Variants in PTK6 observed in about 807,000 individuals in gnomAD.
The protein encoded by PTK6 is protein tyrosine kinase 6, also known as protein-tyrosine kinase 6.
PTK6 carries 47 observed loss-of-function variants against 47.5 expected under a neutral mutation model. That is an observed-to-expected ratio of 0.99 (90% CI 0.78 to 1.26). The LOEUF (loss-of-function observed/expected upper bound fraction) is 1.26. PTK6 is among the 50% of genes most tolerant of loss of function. The pLI is 0.00. For synonymous variants in PTK6, 287 were observed against 276.5 expected (o/e 1.04, Z -0.38); for missense variants, 618 against 625.3 (o/e 0.99, Z 0.12).
intron 1 of PTK6, among the ~76,000 whole-genome samples, chr20:63,536,161 C>T (rs1884823): frequency 0.024 from 109 of 4,564 alleles, 33 homozygotes; most frequent in African/African-American, 0.22. Context: ...CGCTCCCCCC[C>T]CCACCTGGCC....
chr20:63,536,964 C>G, intron 1 of PTK6, 121 bp downstream of exon 1: 1 of 1,061,504 alleles, frequency 9.4e-7, no homozygotes, highest in Non-Finnish European at 1.3e-6. Context: ...CTTTGGGGTG[C>G]AGGAAGATGG....
intron 1 of PTK6, among the ~76,000 whole-genome samples, chr20:63,535,612 C>T (rs1387492891): frequency 3.3e-5 from 5 of 151,928 alleles, no homozygotes; most frequent in African/African-American, 9.7e-5. Flanking sequence ...AGGTGACCTG[C>T]GCCCTTTGTG....
At chr20:63,536,810 C>A (rs2082672629) in intron 1 of PTK6, among the ~76,000 whole-genome samples, 1 of 152,232 alleles carries the variant, frequency 6.6e-6, no homozygotes, top group African/African-American at 2.4e-5. Flanking sequence ...GCGTCCACCC[C>A]CGAGCTGTGA....
intron 5 of PTK6, among the ~76,000 whole-genome samples, chr20:63,532,221 T>C (rs946040538): frequency 6.6e-6 from 1 of 150,834 alleles, no homozygotes; most frequent in Non-Finnish European, 1.5e-5. Context: ...TGTGTGTCCG[T>C]GTGATCTGTT....
In PTK6 at chr20:63,530,669, G is replaced by T; in HGVS notation, c.1014+77C>A. On this transcript the variant is annotated intron_variant, in intron 6 of 7. Coordinates refer to ENST00000542869, the MANE Select transcript of PTK6 (RefSeq NM_005975.4). The surrounding 1 kb of genome is among the most constrained non-coding windows in gnomAD (Gnocchi z 4.1). The stretch of plus-strand genomic sequence containing the variant: ...CATCCTGCTCCCAGCCGAGTCCCCA[G>T]CTCCACACACAGGAAGCCCCCAGCC... 3 of 1,521,248 alleles carry T rather than the reference G, an allele frequency of 2.0e-6. No homozygotes were observed. The highest frequency in any genetic ancestry group is 2.7e-6 in the Non-Finnish European group (3 of 1,117,906). The allele number at this position is 1,521,248 out of a possible 1,614,324, so 94.2% of individuals were successfully genotyped here.
chr20:63,533,847 G>C lies in PTK6; in HGVS notation c.517-143C>G. 8.1e-7 allele frequency: 1 copy of C among 1,230,558 alleles called. No homozygotes were observed. The highest frequency in any genetic ancestry group is 2.5e-5 in the East Asian group (1 of 39,458). The allele number at this position is 1,230,558 out of a possible 1,614,324, so 76.2% of individuals were successfully genotyped here. On this transcript the variant is annotated intron_variant, in intron 3 of 7. Transcript: ENST00000542869. The surrounding 1 kb of genome is among the most constrained non-coding windows in gnomAD (Gnocchi z 4.0). Reference sequence around the variant, plus strand: ...GGGGGTTTCTGAGTGTCTGACACAAGGGTGGACTCTCCTGGGGGCTGCCCC... The same window carrying C: ...GGGGGTTTCTGAGTGTCTGACACAACGGTGGACTCTCCTGGGGGCTGCCCC...
In PTK6 at chr20:63,529,203, C is replaced by T. The variant is rs1569009079; in HGVS notation, c.*333G>A. Reference sequence around the variant, plus strand: ...GCAGGAACAAGGCGTGTTTGCCTCCCACCCTCAGCCGGGCACTGCAGACAG... The same window carrying T: ...GCAGGAACAAGGCGTGTTTGCCTCCTACCCTCAGCCGGGCACTGCAGACAG... On this transcript the variant is annotated 3_prime_UTR_variant, in exon 8 of 8. Coordinates refer to ENST00000542869, the MANE Select transcript of PTK6 (RefSeq NM_005975.4). The surrounding 1 kb of genome is among the most constrained non-coding windows in gnomAD (Gnocchi z 5.6). 1 of 218,624 alleles carries T rather than the reference C, an allele frequency of 4.6e-6. No homozygotes were observed. The highest frequency in any genetic ancestry group is 9.0e-6 in the Non-Finnish European group (1 of 111,156). 13.5% of individuals were successfully genotyped at this position (218,624 alleles called of 1,614,324 possible). A position where few individuals can be genotyped will look rare whatever the true frequency, so the allele number is the denominator to read the frequency against.
Position 63,529,979 on chromosome 20 carries a change from G to A in PTK6, c.1168+99C>T. ...CAGGCGATGGCCCGCGGAGGGCCCT[G>A]AAGCCCGTGGGGGAGGCACCCCCCA... is the stretch of plus-strand genomic sequence containing the variant. On this transcript the variant is annotated intron_variant, in intron 7 of 7. Transcript: ENST00000542869. The surrounding 1 kb of genome is among the most constrained non-coding windows in gnomAD (Gnocchi z 5.6). The A allele has an allele frequency of 6.9e-7, 1 of 1,455,638 alleles. No homozygotes were observed. The highest frequency in any genetic ancestry group is 9.4e-7 in the Non-Finnish European group (1 of 1,066,516). The allele number at this position is 1,455,638 out of a possible 1,614,324, so 90.2% of individuals were successfully genotyped here.
In PTK6 at chr20:63,529,416, C is replaced by T. The variant is rs1244513482; in HGVS notation, c.*120G>A. 2.6e-6 allele frequency: 3 copies of T among 1,135,352 alleles called. No individual in the cohort carries two copies. The highest frequency in any genetic ancestry group is 2.8e-5 in the East Asian group (1 of 35,824). The allele number at this position is 1,135,352 out of a possible 1,614,324, so 70.3% of individuals were successfully genotyped here. A position where few individuals can be genotyped will look rare whatever the true frequency, so the allele number is the denominator to read the frequency against. ...ACGCAGACACTCCACATTTGTGAACCTTTCCTGCACCCATCACCTCAGTAA... is the reference window on the plus strand; with the variant it reads ...ACGCAGACACTCCACATTTGTGAACTTTTCCTGCACCCATCACCTCAGTAA... On this transcript the variant is annotated 3_prime_UTR_variant, in exon 8 of 8. Transcript: ENST00000542869. The surrounding 1 kb of genome is among the most constrained non-coding windows in gnomAD (Gnocchi z 5.6).
rs758618247 is a variant in PTK6 at position 63,533,404 on chromosome 20, CAT to C, written c.670+145_670+146del. The C allele has an allele frequency of 1.1e-6, 1 of 922,358 alleles. No homozygotes were observed. The highest frequency in any genetic ancestry group is 1.5e-6 in the Non-Finnish European group (1 of 663,372). The allele number at this position is 922,358 out of a possible 1,614,324, so 57.1% of individuals were successfully genotyped here. A position where few individuals can be genotyped will look rare whatever the true frequency, so the allele number is the denominator to read the frequency against. On this transcript the variant is annotated intron_variant, in intron 4 of 7. Transcript: ENST00000542869. The surrounding 1 kb of genome is among the most constrained non-coding windows in gnomAD (Gnocchi z 4.0). ...TATAATAAATGTATTTAGGTAAAAACATAGGTGCAATTGAAAGGGAACCACTC... is the reference window on the plus strand; with the variant it reads ...TATAATAAATGTATTTAGGTAAAAACAGGTGCAATTGAAAGGGAACCACTC...
chr20:63,533,790 C>T lies in PTK6; in HGVS notation c.517-86G>A. 2.6e-6 allele frequency: 4 copies of T among 1,514,668 alleles called. No individual in the cohort carries two copies. The highest frequency in any genetic ancestry group is 3.5e-6 in the Non-Finnish European group (4 of 1,129,998). The allele number at this position is 1,514,668 out of a possible 1,614,324, so 93.8% of individuals were successfully genotyped here. Reference sequence around the variant, plus strand: ...GCCAGCACAGGGAGCCTGGATTTAGCCTCAGATTTAGGGCCACGATCAGCC... The same window carrying T: ...GCCAGCACAGGGAGCCTGGATTTAGTCTCAGATTTAGGGCCACGATCAGCC... On this transcript the variant is annotated intron_variant, in intron 3 of 7. Coordinates refer to ENST00000542869, the MANE Select transcript of PTK6 (RefSeq NM_005975.4). This position sits in a 1 kb window ranked among gnomAD's most constrained non-coding sequence, Gnocchi z 4.0.
rs770257739 is a variant in PTK6 at position 63,537,075 on chromosome 20, G to C, written c.230+10C>G. On this transcript the variant is annotated intron_variant, in intron 1 of 7. Coordinates refer to ENST00000542869, the MANE Select transcript of PTK6 (RefSeq NM_005975.4). ...CTGTGCCAAAGCTCCCAGCAGCCTA[G>C]GACACGCACGGTTCCGACTCCACCG... 1.2e-6 allele frequency: 2 copies of C among 1,601,494 alleles called. No individual in the cohort carries two copies. Among genetic ancestry groups the C allele is most frequent in the South Asian group, 1.1e-5 (1 of 89,072 alleles).
In PTK6 at chr20:63,530,312, A is replaced by T. The variant is rs536850540; in HGVS notation, c.1015-81T>A. The T allele has an allele frequency of 1.3e-6, 2 of 1,545,286 alleles. No individual in the cohort carries two copies. The highest frequency in any genetic ancestry group is 1.4e-5 in the African/African-American group (1 of 73,812). ...AAGCATGGACGGGCACAGCGGCCGC[A>T]TTGCCCCAGCAGTGGGACGGTGATG... On this transcript the variant is annotated intron_variant, in intron 6 of 7. Transcript: ENST00000542869. The surrounding 1 kb of genome is among the most constrained non-coding windows in gnomAD (Gnocchi z 4.1).
chr20:63,532,145 C>T (rs1311159143), intron 5 of PTK6, among the ~76,000 whole-genome samples: 6 of 147,242 alleles, frequency 4.1e-5, no homozygotes, highest in Non-Finnish European at 8.9e-5. Flanking sequence ...GTGTGTGTGT[C>T]TGGATCAGTG....
chr20:63,531,633 C>T (rs2082622501), intron 5 of PTK6, among the ~76,000 whole-genome samples: 1 of 148,606 alleles, frequency 6.7e-6, no homozygotes, highest in Non-Finnish European at 1.5e-5. Flanking sequence ...AAAAAAGAAC[C>T]AAGGAGCAGT....
rs1404767681 is a variant in PTK6, at chr20:63,532,449, GT to G, written c.832+76del. On this transcript the variant is annotated intron_variant, in intron 5 of 7. Transcript: ENST00000542869. Reference sequence around the variant, plus strand: ...TGTCTACGTGTGTGTGTGTGTAGACGTGGGGGGGGGGTGTGCACTTTATTTC... The same window carrying G: ...TGTCTACGTGTGTGTGTGTGTAGACGGGGGGGGGGGTGTGCACTTTATTTC... 10 of 1,420,072 alleles carry G rather than the reference GT, an allele frequency of 7.0e-6. No homozygotes were observed. The Admixed American group carries it at 9.5e-5, about 14-fold the overall frequency. The allele number at this position is 1,420,072 out of a possible 1,614,324, so 88.0% of individuals were successfully genotyped here.
chr20:63,531,623 A>G (rs1326480512), intron 5 of PTK6, among the ~76,000 whole-genome samples: 4 of 151,076 alleles, frequency 2.6e-5, no homozygotes, highest in Admixed American at 2.6e-4. Context: ...TCAAAAAAAA[A>G]AAAAAGAACC....
Position 63,532,516 on chromosome 20 carries a change from T to C in PTK6, c.832+10A>G, listed in dbSNP as rs748494978. On this transcript the variant is annotated intron_variant, in intron 5 of 7. Coordinates refer to ENST00000542869, the MANE Select transcript of PTK6 (RefSeq NM_005975.4). The stretch of plus-strand genomic sequence containing the variant: ...TGCCTCCAGCAAGAGCCCCGGCCCA[T>C]GCCACTCACCGCGGAGCAGCTCCAG... The C allele has an allele frequency of 1.2e-6, 2 of 1,601,702 alleles. No homozygotes were observed. The highest frequency in any genetic ancestry group is 2.2e-5 in the East Asian group (1 of 44,516).
chr20:63,529,994 G>T lies in PTK6; in HGVS notation c.1168+84C>A. The T allele has an allele frequency of 6.6e-7, 1 of 1,510,842 alleles. No individual in the cohort carries two copies. The highest frequency in any genetic ancestry group is 9.1e-7 in the Non-Finnish European group (1 of 1,104,586). 93.6% of individuals were successfully genotyped at this position (1,510,842 alleles called of 1,614,324 possible). ...GGAGGGCCCTGAAGCCCGTGGGGGA[G>T]GCACCCCCCAGCGTCCCTGCCGGCT... On this transcript the variant is annotated intron_variant, in intron 7 of 7. Transcript: ENST00000542869. The surrounding 1 kb of genome is among the most constrained non-coding windows in gnomAD (Gnocchi z 5.6).
Sources: gnomAD v4.1 joint callset for allele counts (sites outside exome capture counted in the v4.1 genomes callset) on GRCh38, gnomAD v4.1.1 for gene constraint, Gnocchi (gnomAD v3.1) non-coding constraint, MANE v1.5 for transcripts, NCBI Gene and HGNC (gene_info 2026-07-23, HGNC 2026-07-21) for gene names.